Variants in FOXP2 observed in about 807,000 individuals in gnomAD.
FOXP2 encodes forkhead box P2.
FOXP2 carries 12 observed loss-of-function variants against 115.8 expected under a neutral mutation model. The ratio of observed to expected loss-of-function variants is 0.10; its 90% confidence interval spans 0.07 to 0.17. FOXP2 has a LOEUF of 0.17. Ranked by LOEUF, FOXP2 falls within the 10% of genes least tolerant of loss-of-function variation. The probability of loss-of-function intolerance (pLI) is 1.00; values close to 1 mark genes in which losing one functional copy is unlikely to be tolerated. For synonymous variants in FOXP2, 328 were observed against 297.7 expected, an observed-to-expected ratio of 1.10 and a Z score of -1.05; for missense variants, 629 against 843.5, an observed-to-expected ratio of 0.75 and a Z score of 3.15.
intron 1 of FOXP2, among the ~76,000 whole-genome samples, chr7:114,230,474 CA>C (rs1227190195): frequency 5.3e-5 from 8 of 151,790 alleles, no homozygotes; most frequent in African/African-American, 1.9e-4. Flanking sequence ...AAATGCTCAA[CA>C]AAATACTAGC....
intron 2 of FOXP2, among the ~76,000 whole-genome samples, chr7:114,495,251 C>T (rs1261994716): frequency 6.6e-6 from 1 of 152,138 alleles, no homozygotes. Flanking sequence ...GTCCTTAAAT[C>T]ACAGTCTGTT....
At chr7:114,396,496 T>C (rs1423505372) in intron 2 of FOXP2, among the ~76,000 whole-genome samples, 2 of 152,186 alleles carry the variant, frequency 1.3e-5, no homozygotes, top group Non-Finnish European at 1.5e-5. Flanking sequence ...TTTCATTTTC[T>C]TTGGGCTATA....
intron 2 of FOXP2, among the ~76,000 whole-genome samples, chr7:114,452,554 A>T (rs538625253): frequency 6.6e-6 from 1 of 152,208 alleles, no homozygotes; most frequent in Non-Finnish European, 1.5e-5. Flanking sequence ...TTCCATATAA[A>T]AGCTAAGCTG....
At chr7:114,117,506 G>A (rs1375458492) in intron 1 of FOXP2, among the ~76,000 whole-genome samples, 1 of 152,078 alleles carries the variant, frequency 6.6e-6, no homozygotes, top group Non-Finnish European at 1.5e-5. Flanking sequence ...ACAGGCATGA[G>A]CCACCATGCC....
chr7:114,358,525 G>C (rs1350211419), intron 2 of FOXP2, among the ~76,000 whole-genome samples: 1 of 152,098 alleles, frequency 6.6e-6, no homozygotes, highest in Non-Finnish European at 1.5e-5. Flanking sequence ...AGACTTGGAG[G>C]GCTCAGAAGA....
At chr7:114,431,887 A>G (rs1794128088) in intron 2 of FOXP2, among the ~76,000 whole-genome samples, 1 of 151,934 alleles carries the variant, frequency 6.6e-6, no homozygotes, top group South Asian at 2.1e-4. Context: ...AATACAGTTC[A>G]ATATCAGTAT....
chr7:114,099,050 G>T (rs760770796), intron 1 of FOXP2, among the ~76,000 whole-genome samples: 2 of 152,016 alleles, frequency 1.3e-5, no homozygotes, highest in African/African-American at 4.8e-5. Context: ...TGGGAGGATC[G>T]CTTAAGCCCA....
chr7:114,679,224 C>T (rs1426020022), intron 16 of FOXP2, among the ~76,000 whole-genome samples: 1 of 152,166 alleles, frequency 6.6e-6, no homozygotes, highest in East Asian at 1.9e-4. Context: ...CACAGCATCC[C>T]AAAGTGCTGG....
intron 2 of FOXP2, among the ~76,000 whole-genome samples, chr7:114,383,596 C>A (rs1224455400): frequency 6.6e-6 from 1 of 152,174 alleles, no homozygotes; most frequent in African/African-American, 2.4e-5. Context: ...CAAAAGAGGT[C>A]TAGCTGTAAG....
chr7:114,256,544 G>A (rs142802454), intron 1 of FOXP2, among the ~76,000 whole-genome samples: 2,606 of 152,214 alleles, frequency 0.017, 28 homozygotes, highest in Non-Finnish European at 0.027. Flanking sequence ...TTTTAATCGG[G>A]TTGTTTGTGT....
intron 1 of FOXP2, among the ~76,000 whole-genome samples, chr7:114,249,391 T>G (rs887751712): frequency 6.6e-6 from 1 of 151,068 alleles, no homozygotes; most frequent in African/African-American, 2.4e-5. Context: ...TAGGCCCCAA[T>G]GTGTGTTGTT....
At chr7:114,476,728 A>T (rs747476068) in intron 2 of FOXP2, among the ~76,000 whole-genome samples, 5 of 151,962 alleles carry the variant, frequency 3.3e-5, no homozygotes, top group African/African-American at 7.2e-5. Flanking sequence ...TATGTTTAGG[A>T]TATCAATTCT....
intron 1 of FOXP2, among the ~76,000 whole-genome samples, chr7:114,125,172 T>C (rs1376767141): frequency 2.0e-5 from 3 of 152,108 alleles, no homozygotes; most frequent in African/African-American, 7.2e-5. Context: ...ACCTGTCACA[T>C]CATCTTATGA....
chr7:114,527,339 G>T (rs937686257), intron 2 of FOXP2, among the ~76,000 whole-genome samples: 2 of 151,900 alleles, frequency 1.3e-5, no homozygotes, highest in Non-Finnish European at 2.9e-5. Flanking sequence ...GGAATTAATG[G>T]ATCATGTGGT....
intron 1 of FOXP2, among the ~76,000 whole-genome samples, chr7:114,197,732 T>G (rs971628375): frequency 3.3e-5 from 5 of 152,226 alleles, no homozygotes; most frequent in African/African-American, 1.2e-4. Context: ...AATATTAGTT[T>G]CTTTGTTTGA....
chr7:114,533,132 C>T (rs1376699710), intron 2 of FOXP2, among the ~76,000 whole-genome samples: 5 of 151,866 alleles, frequency 3.3e-5, no homozygotes, highest in Admixed American at 6.6e-5. Context: ...AGATGATTAT[C>T]GTGAGTGAGT....
intron 2 of FOXP2, among the ~76,000 whole-genome samples, chr7:114,517,985 T>C (rs1368298452): frequency 6.6e-6 from 1 of 152,174 alleles, no homozygotes; most frequent in African/African-American, 2.4e-5. Context: ...TTTGTTGGTG[T>C]CTTCTTCAAT....
chr7:114,145,159 C>T (rs1792330353), intron 1 of FOXP2, among the ~76,000 whole-genome samples: 1 of 152,064 alleles, frequency 6.6e-6, no homozygotes, highest in Non-Finnish European at 1.5e-5. Flanking sequence ...TTCTTCTGTA[C>T]AGTACGAATA....
chr7:114,448,530 A>C (rs1278063827), intron 2 of FOXP2, among the ~76,000 whole-genome samples: 5 of 152,158 alleles, frequency 3.3e-5, no homozygotes, highest in African/African-American at 4.8e-5. Context: ...AAGTTAAGTT[A>C]ATGCCTTTTT....
Sources: gnomAD v4.1 joint callset for allele counts (sites outside exome capture counted in the v4.1 genomes callset) on GRCh38, gnomAD v4.1.1 for gene constraint, MANE v1.5 for transcripts, NCBI Gene and HGNC (gene_info 2026-07-23, HGNC 2026-07-21) for gene names.